Variants in CSMD3 observed in about 807,000 individuals in gnomAD.
CSMD3 encodes CUB and Sushi multiple domains 3, also known as CUB and sushi domain-containing protein 3.
Under a neutral mutation model 435.2 loss-of-function variants are expected in CSMD3, and 177 were observed. The observed-to-expected ratio is 0.41, with a 90% CI of 0.36 to 0.46. The LOEUF is 0.46. Among genes scored for constraint, CSMD3 ranks in the 20% least tolerant of loss-of-function variants. CSMD3 has a pLI of 0.34. For missense variants in CSMD3, 4,265 were observed against 4,504.6 expected (o/e 0.95, Z 1.52); for synonymous variants, 1,656 against 1,520.5 (o/e 1.09, Z -2.07).
chr8:113,079,724 G>GT (rs919134966), intron 5 of CSMD3, among the ~76,000 whole-genome samples: 11 of 151,982 alleles, frequency 7.2e-5, no homozygotes, highest in Non-Finnish European at 1.5e-5. Flanking sequence ...ATTCAGAAAT[G>GT]TTTTTTTCGT....
chr8:113,314,698 T>G lies in CSMD3; in HGVS notation c.274A>C (p.Thr92Pro). 3 of 1,612,640 alleles carry G rather than the reference T, an allele frequency of 1.9e-6. No homozygotes were observed. Among genetic ancestry groups the G allele is most frequent in the Non-Finnish European group, 1.7e-6 (2 of 1,178,874 alleles). ...PYGYPNGANCTWVIIAEERNR... is the reference protein window; with the variant it reads ...PYGYPNGANCPWVIIAEERNR... ...CGTTCTTCTGCTATTATTACCCATGTGCAGTTTGCACCATTTGGATATCCA... is the reference window on the plus strand; with the variant it reads ...CGTTCTTCTGCTATTATTACCCATGGGCAGTTTGCACCATTTGGATATCCA... Residue 92 changes from threonine to proline, a missense_variant, in exon 2 of 71, where the codon ACA (threonine) becomes CCA (proline). Physicochemically the swap from Thr to Pro is conservative, Grantham distance 38. This residue lies in a region of CSMD3 where 731 missense variants were observed against 755.4 expected (regional missense o/e 0.97). Transcript: ENST00000297405.
rs1812801946 is a variant in CSMD3, at chr8:112,228,703, A to C, written c.10964+53T>G. The C allele has an allele frequency of 4.5e-6, 7 of 1,552,294 alleles. No individual in the cohort carries two copies. In the Middle Eastern group the frequency reaches 7.2e-4, roughly 160 times the overall value. ...GATTTGAGCTAGAGCAGTAGAAATA[A>C]CATGAAAAACAGATTTGGGAAACAT... is the stretch of plus-strand genomic sequence containing the variant. On this transcript the variant is annotated intron_variant, in intron 70 of 70. Coordinates refer to ENST00000297405, the MANE Select transcript of CSMD3 (RefSeq NM_198123.2).
intron 69 of CSMD3, among the ~76,000 whole-genome samples, chr8:112,229,892 A>T (rs921306447): frequency 2.5e-5 from 2 of 80,144 alleles, no homozygotes; most frequent in African/African-American, 5.9e-5. Context: ...CCGAGATTAA[A>T]AAAAAAAAAA....
At chr8:113,232,703 T>C (rs1278475597) in intron 3 of CSMD3, among the ~76,000 whole-genome samples, 3 of 151,780 alleles carry the variant, frequency 2.0e-5, no homozygotes, top group Non-Finnish European at 4.4e-5. Context: ...ACTTTTAAGG[T>C]AATCAAATAC....
chr8:112,723,947 G>A (rs1449144950), intron 13 of CSMD3, among the ~76,000 whole-genome samples: 2 of 151,832 alleles, frequency 1.3e-5, no homozygotes, highest in African/African-American at 4.8e-5. Flanking sequence ...AGCAGTAAAT[G>A]AGAGATCATC....
At chr8:112,719,151 A>G (rs2131959226) in intron 13 of CSMD3, among the ~76,000 whole-genome samples, 1 of 152,290 alleles carries the variant, frequency 6.6e-6, no homozygotes, top group African/African-American at 2.4e-5. Flanking sequence ...TAAATACTGT[A>G]TTTTGCTGCC....
intron 45 of CSMD3, among the ~76,000 whole-genome samples, chr8:112,334,402 T>C (rs1458186250): frequency 1.3e-5 from 2 of 152,322 alleles, no homozygotes; most frequent in Non-Finnish European, 2.9e-5. Context: ...AATATTTAGC[T>C]ACTTGTATAT....
intron 10 of CSMD3, among the ~76,000 whole-genome samples, chr8:112,873,057 A>T (rs1482460406): frequency 1.3e-5 from 2 of 152,066 alleles, no homozygotes; most frequent in Non-Finnish European, 2.9e-5. Flanking sequence ...GACTGCCCTC[A>T]TCCTTTCCCA....
At chr8:113,002,719 C>T (rs1489192795) in intron 6 of CSMD3, among the ~76,000 whole-genome samples, 1 of 152,040 alleles carries the variant, frequency 6.6e-6, no homozygotes, top group African/African-American at 2.4e-5. Flanking sequence ...GTTATACAAC[C>T]TCTTTCTTGT....
intron 63 of CSMD3, among the ~76,000 whole-genome samples, chr8:112,253,923 T>A (rs911487995): frequency 5.9e-5 from 9 of 152,040 alleles, no homozygotes; most frequent in Non-Finnish European, 1.0e-4. Context: ...ACTGTCCCCA[T>A]ATCTTCCTGT....
At chr8:112,540,723 C>CA in intron 27 of CSMD3, among the ~76,000 whole-genome samples, 1 of 151,734 alleles carries the variant, frequency 6.6e-6, no homozygotes, top group East Asian at 1.9e-4. Flanking sequence ...TGGGGGCTAA[C>CA]AAAAAATTGA....
At chr8:113,068,492 T>C (rs2088959536) in intron 5 of CSMD3, among the ~76,000 whole-genome samples, 1 of 152,250 alleles carries the variant, frequency 6.6e-6, no homozygotes, top group Middle Eastern at 3.4e-3. Flanking sequence ...AGTTTTCATA[T>C]CTTTCCTATC....
chr8:112,422,596 C>T (rs2130298487), intron 32 of CSMD3, among the ~76,000 whole-genome samples: 1 of 152,184 alleles, frequency 6.6e-6, no homozygotes, highest in Middle Eastern at 3.4e-3. Context: ...AATTGTTTTC[C>T]TAATCTGCAA....
rs1397688005 is a variant in CSMD3 at position 112,600,606 on chromosome 8, A to G, written c.3716-13371T>C. Among the ~76,000 whole-genome samples, 8 of 152,344 alleles carry G rather than the reference A, an allele frequency of 5.3e-5. No individual in the cohort carries two copies. The East Asian group carries it at 1.5e-3, about 29-fold the overall frequency. Reference sequence around the variant, plus strand: ...TTTCATGTCTTTTAGTCAAACGGTCAAACCAAATTGTAGTGTTAAGTATCC... The same window carrying G: ...TTTCATGTCTTTTAGTCAAACGGTCGAACCAAATTGTAGTGTTAAGTATCC... On this transcript the variant is annotated intron_variant, in intron 22 of 70. Coordinates refer to ENST00000297405, the MANE Select transcript of CSMD3 (RefSeq NM_198123.2).
At chr8:112,374,687 T>C (rs1828772897) in intron 38 of CSMD3, among the ~76,000 whole-genome samples, 1 of 152,192 alleles carries the variant, frequency 6.6e-6, no homozygotes, top group Admixed American at 6.5e-5. Flanking sequence ...AAAGGAAGCA[T>C]TCAGCAAATG....
At chr8:112,588,895 T>C (rs1830949416) in intron 22 of CSMD3, among the ~76,000 whole-genome samples, 1 of 152,100 alleles carries the variant, frequency 6.6e-6, no homozygotes, top group South Asian at 2.1e-4. Flanking sequence ...TTCTCCTTTA[T>C]TTTTTTCTAC....
intron 13 of CSMD3, among the ~76,000 whole-genome samples, chr8:112,752,391 A>G (rs575287012): frequency 2.6e-5 from 4 of 152,004 alleles, no homozygotes; most frequent in Non-Finnish European, 5.9e-5. Flanking sequence ...ACAACCCCCA[A>G]ATTTTTGTTT....
intron 11 of CSMD3, among the ~76,000 whole-genome samples, chr8:112,830,773 T>TG (rs2079846390): frequency 6.6e-6 from 1 of 151,304 alleles, no homozygotes. Context: ...GGCTTTTTTT[T>TG]GTTATAATAA....
chr8:112,710,120 C>T (rs1355116497), intron 13 of CSMD3, among the ~76,000 whole-genome samples: 1 of 152,088 alleles, frequency 6.6e-6, no homozygotes, highest in Non-Finnish European at 1.5e-5. Context: ...TGCAGAACTA[C>T]CTCCTGCCAT....
Sources: allele counts gnomAD v4.1 joint callset (sites outside exome capture counted in the v4.1 genomes callset), GRCh38; gene constraint gnomAD v4.1.1; regional missense constraint gnomAD v4.1.1; transcripts MANE v1.5; gene names NCBI Gene and HGNC (gene_info 2026-07-23, HGNC 2026-07-21).